The following ENPEP variants were observed in gnomAD, a reference collection of about 807,000 sequenced individuals.
The protein encoded by ENPEP is glutamyl aminopeptidase.
Under a neutral mutation model 114.5 loss-of-function variants are expected in ENPEP, and 103 were observed. The ratio of observed to expected loss-of-function variants is 0.90; its 90% confidence interval spans 0.77 to 1.06. The LOEUF (loss-of-function observed/expected upper bound fraction) is 1.06, where lower values mean the gene tolerates loss of function less well. Among genes scored for constraint, ENPEP ranks in the 50% least tolerant of loss-of-function variants. ENPEP has a pLI of 0.00. For synonymous variants in ENPEP, 420 were observed against 422.0 expected (o/e 1.00, Z 0.06); for missense variants, 1,196 against 1,161.3 (o/e 1.03, Z -0.43).
chr4:110,527,544 T>C (rs1478338444), intron 10 of ENPEP, among the ~76,000 whole-genome samples: 1 of 152,176 alleles, frequency 6.6e-6, no homozygotes. Context: ...CATTTGTTTT[T>C]CACTTTTTCC....
At chr4:110,514,212 A>G (rs1227468398) in intron 7 of ENPEP, among the ~76,000 whole-genome samples, 1 of 152,058 alleles carries the variant, frequency 6.6e-6, no homozygotes, top group Non-Finnish European at 1.5e-5. Context: ...TCAGCTTCTC[A>G]TGGGTTTCCC....
intron 15 of ENPEP, 32 bp downstream of exon 15, chr4:110,549,451 T>A: frequency 6.2e-7 from 1 of 1,612,498 alleles, no homozygotes; most frequent in Non-Finnish European, 8.5e-7. Context: ...CTAAAATTCA[T>A]TTAACATTTG....
At position 110,564,354 on chromosome 4, in the gene ENPEP, C is replaced by T. The variant is rs1027641294; in HGVS notation, c.*2796C>T. ...AATATGCTTTTGAAATCAGAGTGAC[C>T]TGGGTTGGAATATCAACTACTTGGT... On this transcript the variant is annotated 3_prime_UTR_variant, in exon 20 of 20. Coordinates refer to ENST00000265162, the MANE Select transcript of ENPEP (RefSeq NM_001977.4). 1 of 152,036 alleles carries T rather than the reference C, an allele frequency of 6.6e-6. No homozygotes were observed. The highest frequency in any genetic ancestry group is 2.4e-5 in the African/African-American group (1 of 41,398). The allele number at this position is 152,036 out of a possible 1,614,324, so 9.4% of individuals were successfully genotyped here.
Position 110,559,741 on chromosome 4 carries a change from C to A in ENPEP, c.2721+16C>A, listed in dbSNP as rs750572557. 3.8e-6 allele frequency: 6 copies of A among 1,597,946 alleles called. No individual in the cohort carries two copies. The highest frequency in any genetic ancestry group is 5.1e-6 in the Non-Finnish European group (6 of 1,166,808). ...ACTGTGGCAGGTATGAAGATAAATT[C>A]CTCTGCATTTGTCCAAGAAGGAGCA... On this transcript the variant is annotated intron_variant, in intron 19 of 19. Transcript: ENST00000265162.
intron 3 of ENPEP, among the ~76,000 whole-genome samples, chr4:110,494,920 T>A (rs1018808631): frequency 2.6e-5 from 4 of 152,050 alleles, no homozygotes; most frequent in Non-Finnish European, 5.9e-5. Flanking sequence ...TTGATTAGGG[T>A]TTTAAAGTAA....
chr4:110,491,273 C>A, intron 3 of ENPEP, 109 bp downstream of exon 3: 1 of 1,044,038 alleles, frequency 9.6e-7, no homozygotes. Context: ...GCCTGAAAAG[C>A]CCTTTAGTCC....
chr4:110,490,582 G>C (rs2110338094), intron 2 of ENPEP, among the ~76,000 whole-genome samples: 1 of 152,300 alleles, frequency 6.6e-6, no homozygotes, highest in African/African-American at 2.4e-5. Flanking sequence ...CATACCTTTG[G>C]TGTTTGATGT....
At chr4:110,526,620 A>G (rs976320361) in intron 10 of ENPEP, among the ~76,000 whole-genome samples, 1 of 152,158 alleles carries the variant, frequency 6.6e-6, no homozygotes, top group African/African-American at 2.4e-5. Context: ...AAGATTTTGA[A>G]AATAGTATGC....
At chr4:110,477,979 G>A (rs1278606784) in intron 1 of ENPEP, among the ~76,000 whole-genome samples, 2 of 152,136 alleles carry the variant, frequency 1.3e-5, no homozygotes, top group African/African-American at 2.4e-5. Flanking sequence ...CTTGCATCAG[G>A]GAGGAAGGCT....
chr4:110,515,558 C>A, intron 8 of ENPEP, 116 bp downstream of exon 8: 2 of 820,376 alleles, frequency 2.4e-6, no homozygotes, highest in Non-Finnish European at 4.0e-6. Flanking sequence ...TTTACTGAGG[C>A]ATAGATAATA....
At position 110,548,229 on chromosome 4, in the gene ENPEP, G is replaced by A. The variant is rs1185336589; in HGVS notation, c.2054G>A (p.Arg685Lys). 6 of 1,584,206 alleles carry A rather than the reference G, an allele frequency of 3.8e-6. No individual in the cohort carries two copies. The highest frequency in any genetic ancestry group is 1.1e-5 in the South Asian group (1 of 88,706). Residue 685 changes from arginine (R) to lysine (K), a missense_variant, in exon 14 of 20, where the codon AGG (arginine) becomes AAG (lysine). Arg to Lys is a conservative substitution (Grantham distance 26, BLOSUM62 2). Coordinates refer to ENST00000265162, the MANE Select transcript of ENPEP (RefSeq NM_001977.4). ...VALNLTKYLK[R>K]EENFLPWQRV... The stretch of plus-strand genomic sequence containing the variant: ...TTGAACTTGACCAAGTATCTCAAAA[G>A]GGAAGAGAATTTTTTACCATGGCAG...
At chr4:110,531,131 A>AT in intron 10 of ENPEP, 67 bp from the exon 11 acceptor site, 2 of 1,023,490 alleles carry the variant, frequency 2.0e-6, no homozygotes, top group Non-Finnish European at 2.7e-6. Context: ...CTTTTTAGTG[A>AT]TTTTTACTCT....
Position 110,532,582 on chromosome 4 carries a change from C to G in ENPEP, c.1807+1305C>G, listed in dbSNP as rs73839617. Among the ~76,000 whole-genome samples, 236 of 152,026 alleles carry G rather than the reference C, an allele frequency of 1.6e-3. 1 individual carries two copies. Among genetic ancestry groups the G allele is most frequent in the African/African-American group, 5.5e-3 (230 of 41,462 alleles). On this transcript the variant is annotated intron_variant, in intron 11 of 19. Transcript: ENST00000265162. ...TATAAACATTTGTGTATAAGTTTTTCTGTGGATCCAGCATGTTTTTTCCAC... is the reference window on the plus strand; with the variant it reads ...TATAAACATTTGTGTATAAGTTTTTGTGTGGATCCAGCATGTTTTTTCCAC...
chr4:110,511,969 G>A lies in ENPEP; in HGVS notation c.1309-1446G>A, dbSNP rs570639143. Among the ~76,000 whole-genome samples, 12 of 152,088 alleles carry A rather than the reference G, an allele frequency of 7.9e-5. No individual in the cohort carries two copies. In the South Asian group the frequency reaches 1.9e-3, roughly 24 times the overall value. On this transcript the variant is annotated intron_variant, in intron 6 of 19. Coordinates refer to ENST00000265162, the MANE Select transcript of ENPEP (RefSeq NM_001977.4). ...AGTAGAGATGGGGTTTTGCCATGATGGCCAGGCTGATCTTGAACTCCTTAC... is the reference window on the plus strand; with the variant it reads ...AGTAGAGATGGGGTTTTGCCATGATAGCCAGGCTGATCTTGAACTCCTTAC...
chr4:110,519,012 G>T lies in ENPEP; in HGVS notation c.1510-996G>T, dbSNP rs1436508768. Reference sequence around the variant, plus strand: ...ATTATTTTATTAAGATATGATGAATGATTTGTGCAACTTTCTGTAATGAAT... The same window carrying T: ...ATTATTTTATTAAGATATGATGAATTATTTGTGCAACTTTCTGTAATGAAT... On this transcript the variant is annotated intron_variant, in intron 8 of 19. Coordinates refer to ENST00000265162, the MANE Select transcript of ENPEP (RefSeq NM_001977.4). The T allele has an allele frequency of 6.7e-6, 3 of 447,366 alleles. No individual in the cohort carries two copies. The East Asian group carries it at 2.1e-4, about 31-fold the overall frequency. 27.7% of individuals were successfully genotyped at this position (447,366 alleles called of 1,614,324 possible).
chr4:110,548,362 TG>T (rs751068221), intron 14 of ENPEP, 36 bp downstream of exon 14: 1 of 1,473,326 alleles, frequency 6.8e-7, no homozygotes, highest in Admixed American at 2.2e-5. Context: ...TGAAAGTAAA[TG>T]TTTAGCCATT....
In ENPEP at chr4:110,491,177, A is replaced by G. The variant is rs375344946; in HGVS notation, c.918+13A>G. 2.3e-5 allele frequency: 37 copies of G among 1,576,560 alleles called. No homozygotes were observed. The highest frequency in any genetic ancestry group is 3.0e-5 in the Non-Finnish European group (35 of 1,168,698). The stretch of plus-strand genomic sequence containing the variant: ...TAGTGGAAAACCTGTGAGTCTCATT[A>G]TATTTTAAAAATTTACCACCTATGC... On this transcript the variant is annotated intron_variant, in intron 3 of 19. Transcript: ENST00000265162.
intron 11 of ENPEP, chr4:110,533,010 G>A (rs1018784868): frequency 3.9e-5 from 16 of 414,790 alleles, no homozygotes; most frequent in African/African-American, 2.5e-4. Context: ...TAATAAGAAC[G>A]TTAGAATTCC....
rs527933332 is a variant in ENPEP, at chr4:110,558,744, A to G, written c.2643-903A>G. 8.5e-5 allele frequency among the ~76,000 whole-genome samples: 13 copies of G among 152,126 alleles called. No homozygotes were observed. In the South Asian group the frequency reaches 2.7e-3, roughly 32 times the overall value. ...TTGTGATGAGATTTTTTTTACCTCT[A>G]TCACAACCATTTGTGGTCTATGAGG... On this transcript the variant is annotated intron_variant, in intron 18 of 19. Coordinates refer to ENST00000265162, the MANE Select transcript of ENPEP (RefSeq NM_001977.4).
Sources: gnomAD v4.1 joint callset for allele counts (sites outside exome capture counted in the v4.1 genomes callset) on GRCh38, gnomAD v4.1.1 for gene constraint, MANE v1.5 for transcripts, NCBI Gene and HGNC (gene_info 2026-07-23, HGNC 2026-07-21) for gene names.